The following MARCHF11 variants were observed in gnomAD, a reference collection of about 807,000 sequenced individuals.
The protein encoded by MARCHF11 is E3 ubiquitin-protein ligase MARCHF11.
MARCHF11 carries 29 observed loss-of-function variants against 37.3 expected under a neutral mutation model. The ratio of observed to expected loss-of-function variants is 0.78; its 90% CI spans 0.58 to 1.06. The LOEUF (loss-of-function observed/expected upper bound fraction) is 1.06, where lower values mean the gene tolerates loss of function less well. Ranked by LOEUF, MARCHF11 falls within the 50% of genes least tolerant of loss-of-function variation. The pLI is 0.00. For synonymous variants in MARCHF11, 233 were observed against 228.0 expected (o/e 1.02, Z -0.20); for missense variants, 482 against 533.4 (o/e 0.90, Z 0.95).
At chr5:16,173,352 G>C (rs956154980) in intron 2 of MARCHF11, among the ~76,000 whole-genome samples, 1 of 152,184 alleles carries the variant, frequency 6.6e-6, no homozygotes, top group African/African-American at 2.4e-5. Context: ...CCTGACAGGG[G>C]CTGTTCTAAA....
intron 2 of MARCHF11, among the ~76,000 whole-genome samples, chr5:16,161,224 GA>G (rs1738071984): frequency 8.0e-6 from 1 of 124,928 alleles, no homozygotes; most frequent in African/African-American, 3.2e-5. Context: ...TTTAACAGAT[GA>G]TCTAAATTAG....
chr5:16,119,392 A>G (rs1737275974), intron 2 of MARCHF11, among the ~76,000 whole-genome samples: 1 of 151,648 alleles, frequency 6.6e-6, no homozygotes, highest in Non-Finnish European at 1.5e-5. Flanking sequence ...AAGAAAGAGA[A>G]GAAACAACTG....
At chr5:16,099,836 G>A (rs992173622) in intron 2 of MARCHF11, among the ~76,000 whole-genome samples, 3 of 152,220 alleles carry the variant, frequency 2.0e-5, no homozygotes, top group South Asian at 2.1e-4. Flanking sequence ...TCATCATTTC[G>A]TTCATTAAAA....
intron 2 of MARCHF11, among the ~76,000 whole-genome samples, chr5:16,147,775 A>T (rs1012833185): frequency 5.3e-5 from 8 of 152,156 alleles, no homozygotes; most frequent in Non-Finnish European, 1.0e-4. Context: ...AGCAATACTA[A>T]TACACTGCAC....
chr5:16,091,509 T>C (rs1736791071), intron 2 of MARCHF11, among the ~76,000 whole-genome samples: 1 of 152,228 alleles, frequency 6.6e-6, no homozygotes, highest in Non-Finnish European at 1.5e-5. Context: ...CTGTCTCTTG[T>C]TTTTGTAGAA....
intron 2 of MARCHF11, among the ~76,000 whole-genome samples, chr5:16,098,008 C>G (rs149444881): frequency 4.9e-4 from 75 of 152,260 alleles, no homozygotes; most frequent in African/African-American, 1.7e-3. Context: ...GAGTGAGGTT[C>G]ACCCTAGAAA....
intron 3 of MARCHF11, among the ~76,000 whole-genome samples, chr5:16,080,714 T>G (rs945060443): frequency 1.3e-5 from 2 of 152,144 alleles, no homozygotes; most frequent in African/African-American, 4.8e-5. Flanking sequence ...GATCACCATA[T>G]CTTGTGATTA....
At chr5:16,080,055 C>T (rs1403363994) in intron 3 of MARCHF11, among the ~76,000 whole-genome samples, 7 of 152,312 alleles carry the variant, frequency 4.6e-5, no homozygotes, top group Non-Finnish European at 7.3e-5. Context: ...AAACCTTTCT[C>T]GATTCCACAC....
chr5:16,179,171 G>A lies in MARCHF11; in HGVS notation c.405C>T (p.Ala135=), dbSNP rs1347846631. The change falls in exon 1 of 4, where the codon GCC becomes GCT. Residue 135 remains alanine (A), a synonymous_variant. Coordinates refer to ENST00000332432, the MANE Select transcript of MARCHF11 (RefSeq NM_001102562.3). The part of the protein sequence containing the change: ...GAGGERERRG[A]GDQPETRSVC... ...CCGAGCGCGTCTCGGGCTGGTCTCCGGCGCCCCGCCGCTCGCGCTCGCCGC... is the reference window on the plus strand; with the variant it reads ...CCGAGCGCGTCTCGGGCTGGTCTCCAGCGCCCCGCCGCTCGCGCTCGCCGC... The A allele has an allele frequency of 1.4e-6, 2 of 1,379,732 alleles. No individual in the cohort carries two copies. Among genetic ancestry groups the A allele is most frequent in the Non-Finnish European group, 9.3e-7 (1 of 1,074,230 alleles). 85.5% of individuals were successfully genotyped at this position (1,379,732 alleles called of 1,614,324 possible). A position where few individuals can be genotyped will look rare whatever the true frequency, so the allele number is the denominator to read the frequency against.
intron 2 of MARCHF11, among the ~76,000 whole-genome samples, chr5:16,171,238 A>G (rs1272958426): frequency 6.6e-6 from 1 of 150,522 alleles, no homozygotes; most frequent in East Asian, 2.0e-4. Flanking sequence ...TATATCTCCC[A>G]ATGCTATCCC....
intron 3 of MARCHF11, among the ~76,000 whole-genome samples, chr5:16,071,496 TTTTTA>T (rs1252574046): frequency 3.0e-4 from 45 of 152,328 alleles, no homozygotes; most frequent in African/African-American, 1.0e-3. Flanking sequence ...GAATAAACAG[TTTTTA>T]ATTTAAGCAA....
At chr5:16,074,741 C>T (rs1289878535) in intron 3 of MARCHF11, among the ~76,000 whole-genome samples, 1 of 152,132 alleles carries the variant, frequency 6.6e-6, no homozygotes, top group African/African-American at 2.4e-5. Flanking sequence ...GACAATAAAA[C>T]CCTTGACACA....
intron 2 of MARCHF11, among the ~76,000 whole-genome samples, chr5:16,109,093 A>G (rs1260825741): frequency 6.9e-6 from 1 of 145,414 alleles, no homozygotes; most frequent in Non-Finnish European, 1.5e-5. Flanking sequence ...AGCATCTGTG[A>G]CATAAGAAAT....
chr5:16,079,676 C>T lies in MARCHF11; in HGVS notation c.886+11213G>A, dbSNP rs74343855. Reference sequence around the variant, plus strand: ...AGCCTCCTCTCCCCAGGGCCCTCAGCAGCTGAGCATCACATTCATTGCTCT... The same window carrying T: ...AGCCTCCTCTCCCCAGGGCCCTCAGTAGCTGAGCATCACATTCATTGCTCT... On this transcript the variant is annotated intron_variant, in intron 3 of 3. Transcript: ENST00000332432. Among the ~76,000 whole-genome samples the T allele has an allele frequency of 3.9e-3, 597 of 152,306 alleles. 5 individuals are homozygous for T. Among genetic ancestry groups the T allele is most frequent in the African/African-American group, 0.014 (580 of 41,560 alleles).
intron 3 of MARCHF11, among the ~76,000 whole-genome samples, chr5:16,083,894 A>G (rs927139820): frequency 1.3e-5 from 2 of 152,234 alleles, no homozygotes; most frequent in African/African-American, 4.8e-5. Flanking sequence ...TTTAGGGGGA[A>G]GCAACACTGG....
chr5:16,069,689 G>A (rs144789640), intron 3 of MARCHF11, among the ~76,000 whole-genome samples: 214 of 152,202 alleles, frequency 1.4e-3, no homozygotes, highest in Middle Eastern at 6.8e-3. Context: ...GGAAGAAAGC[G>A]GGGAAAATCA....
At chr5:16,122,827 G>A (rs1174301900) in intron 2 of MARCHF11, among the ~76,000 whole-genome samples, 2 of 152,154 alleles carry the variant, frequency 1.3e-5, no homozygotes, top group African/African-American at 4.8e-5. Context: ...CCACAGAGAT[G>A]TTTAAAAACC....
At chr5:16,094,596 T>C (rs954302921) in intron 2 of MARCHF11, among the ~76,000 whole-genome samples, 62 of 152,248 alleles carry the variant, frequency 4.1e-4, no homozygotes, top group African/African-American at 1.4e-3. Context: ...AATATAACAA[T>C]AGCCAGATTG....
intron 2 of MARCHF11, among the ~76,000 whole-genome samples, chr5:16,128,213 C>A (rs1439656020): frequency 6.6e-6 from 1 of 152,114 alleles, no homozygotes; most frequent in African/African-American, 2.4e-5. Flanking sequence ...TGGTGAAGCA[C>A]CACCAAACAA....
Sources: gnomAD v4.1 joint callset for allele counts (sites outside exome capture counted in the v4.1 genomes callset) on GRCh38, gnomAD v4.1.1 for gene constraint, MANE v1.5 for transcripts, NCBI Gene and HGNC (gene_info 2026-07-23, HGNC 2026-07-21) for gene names.